The following ISM1 variants were observed in gnomAD, a reference collection of about 807,000 sequenced individuals.
The protein encoded by ISM1 is isthmin-1.
In ISM1, 25 loss-of-function variants were observed where a neutral mutation model predicts 46.3. That is an observed-to-expected ratio of 0.54 (90% CI 0.39 to 0.75). The LOEUF is 0.75. Ranked by LOEUF, ISM1 falls within the 30% of genes least tolerant of loss-of-function variation. ISM1 has a pLI of 0.00. For missense variants in ISM1, 536 were observed against 625.4 expected (o/e 0.86, Z 1.52); for synonymous variants, 255 against 256.7 (o/e 0.99, Z 0.06).
chr20:13,286,759 CCTGGAAGGCTGG>C (rs1285238190), intron 3 of ISM1, among the ~76,000 whole-genome samples: 2 of 152,208 alleles, frequency 1.3e-5, no homozygotes, highest in Admixed American at 1.3e-4. Flanking sequence ...TAAACAACAG[CCTGGAAGGCTGG>C]CACGGGCCCA....
At chr20:13,272,851 T>C (rs77943392) in intron 2 of ISM1, among the ~76,000 whole-genome samples, 3,868 of 152,304 alleles carry the variant, frequency 0.025, 155 homozygotes, top group African/African-American at 0.084. Context: ...TTATAGATGT[T>C]CTGGTTCCAG....
chr20:13,232,418 G>T (rs923498628), intron 1 of ISM1, among the ~76,000 whole-genome samples: 7 of 152,218 alleles, frequency 4.6e-5, no homozygotes, highest in Admixed American at 1.3e-4. Context: ...AGCATTGCAT[G>T]ATATGGCTTT....
At chr20:13,225,679 G>A (rs1454280900) in intron 1 of ISM1, among the ~76,000 whole-genome samples, 2 of 152,142 alleles carry the variant, frequency 1.3e-5, no homozygotes, top group East Asian at 3.8e-4. Flanking sequence ...TCTTTGAATG[G>A]TTGTCAGTAT....
intron 1 of ISM1, among the ~76,000 whole-genome samples, chr20:13,241,797 A>T (rs900388669): frequency 6.6e-6 from 1 of 152,136 alleles, no homozygotes; most frequent in East Asian, 1.9e-4. Context: ...AAATAAAGCA[A>T]GTTTGTCAAG....
intron 1 of ISM1, among the ~76,000 whole-genome samples, chr20:13,248,395 T>A (rs1233089621): frequency 6.6e-6 from 1 of 152,144 alleles, no homozygotes; most frequent in African/African-American, 2.4e-5. Context: ...ATGATGGGCC[T>A]TACCAGTGAG....
At chr20:13,323,047 A>G in the ISM1 span, among the ~76,000 whole-genome samples, 1 of 151,944 alleles carries the variant, frequency 6.6e-6, no homozygotes, top group Non-Finnish European at 1.5e-5. Context: ...TTGGGTGCAT[A>G]CTCTGGGGGA....
At chr20:13,279,929 G>T (rs761939938) in intron 3 of ISM1, 31 bp downstream of exon 3, 66 of 1,601,198 alleles carry the variant, frequency 4.1e-5, no homozygotes, top group Non-Finnish European at 5.4e-5. Flanking sequence ...TATAAAATTG[G>T]TGGGAAGAAT....
At chr20:13,241,596 G>T (rs2039724154) in intron 1 of ISM1, among the ~76,000 whole-genome samples, 1 of 152,118 alleles carries the variant, frequency 6.6e-6, no homozygotes. Flanking sequence ...TAATAAAAGA[G>T]TTACCATCTC....
chr20:13,293,337 G>A (rs918379189), intron 5 of ISM1, among the ~76,000 whole-genome samples: 13 of 152,162 alleles, frequency 8.5e-5, no homozygotes, highest in African/African-American at 2.4e-4. Flanking sequence ...CAGGTGCAAG[G>A]TGCAAGCTTA....
intron 1 of ISM1, among the ~76,000 whole-genome samples, chr20:13,257,640 C>T (rs1275413153): frequency 6.6e-6 from 1 of 151,892 alleles, no homozygotes; most frequent in Non-Finnish European, 1.5e-5. Flanking sequence ...CCTGATTAAC[C>T]CTAAAAAGTC....
chr20:13,266,660 T>C (rs1302761457), intron 1 of ISM1, among the ~76,000 whole-genome samples: 1 of 152,218 alleles, frequency 6.6e-6, no homozygotes, highest in African/African-American at 2.4e-5. Flanking sequence ...CTTGTGTCAC[T>C]TTAACTGGGG....
At position 13,281,053 on chromosome 20, in the gene ISM1, T is replaced by C. The variant is rs541785918; in HGVS notation, c.643+1155T>C. On this transcript the variant is annotated intron_variant, in intron 3 of 5. Transcript: ENST00000262487. ...AATTGTATATTAGACAGTCATTTCT[T>C]CTCATTAATAGAGAATTCTAAGCAA... 2.6e-5 allele frequency among the ~76,000 whole-genome samples: 4 copies of C among 152,370 alleles called. No individual in the cohort carries two copies. The East Asian group carries it at 7.7e-4, about 29-fold the overall frequency.
At chr20:13,264,492 C>T (rs1449273876) in intron 1 of ISM1, among the ~76,000 whole-genome samples, 2 of 152,172 alleles carry the variant, frequency 1.3e-5, no homozygotes, top group African/African-American at 4.8e-5. Context: ...GCTTTATCTT[C>T]CTCCTATTGT....
At chr20:13,228,590 A>C (rs972686525) in intron 1 of ISM1, among the ~76,000 whole-genome samples, 1 of 151,686 alleles carries the variant, frequency 6.6e-6, no homozygotes, top group Non-Finnish European at 1.5e-5. Flanking sequence ...CTTTATTTTA[A>C]TGTTCGGAAA....
At chr20:13,273,972 G>A (rs899320645) in intron 2 of ISM1, among the ~76,000 whole-genome samples, 15 of 152,140 alleles carry the variant, frequency 9.9e-5, no homozygotes, top group African/African-American at 3.4e-4. Context: ...ACCACAAAAT[G>A]TTAGTATTGG....
At position 13,252,721 on chromosome 20, in the gene ISM1, A is replaced by T. The variant is rs1011408647; in HGVS notation, c.139-17783A>T. Among the ~76,000 whole-genome samples the T allele has an allele frequency of 1.3e-3, 193 of 151,724 alleles. 2 individuals are homozygous for T. Among genetic ancestry groups the T allele is most frequent in the Non-Finnish European group, 5.0e-4 (34 of 67,954 alleles). ...AGTGGGCCAAGACTGCACCACTTGC[A>T]CTCCAGCTTGGGCAACAGAGCGAGA... On this transcript the variant is annotated intron_variant, in intron 1 of 5. Transcript: ENST00000262487.
At chr20:13,282,879 C>G (rs763020421) in intron 3 of ISM1, among the ~76,000 whole-genome samples, 3 of 152,164 alleles carry the variant, frequency 2.0e-5, no homozygotes, top group Non-Finnish European at 4.4e-5. Context: ...CTTTGAGTAG[C>G]AAAACTCTAC....
rs73901619 is a variant in ISM1, at chr20:13,250,489, A to G, written c.139-20015A>G. On this transcript the variant is annotated intron_variant, in intron 1 of 5. Coordinates refer to ENST00000262487, the MANE Select transcript of ISM1 (RefSeq NM_080826.2). ...GCTTTTGTCCTCATTGATTGGGCAA[A>G]CCATGGCAACACAGTTAAGCATGCC... Among the ~76,000 whole-genome samples, 1,237 of 152,306 alleles carry G rather than the reference A, an allele frequency of 8.1e-3. 16 individuals are homozygous for G. The highest frequency in any genetic ancestry group is 0.028 in the African/African-American group (1,172 of 41,548).
At position 13,300,172 on chromosome 20, in the gene ISM1, A is replaced by G. The variant is rs1265324218; in HGVS notation, c.*713A>G. 2 of 152,216 alleles carry G rather than the reference A, an allele frequency of 1.3e-5. No homozygotes were observed. The highest frequency in any genetic ancestry group is 6.5e-5 in the Admixed American group (1 of 15,286). 9.4% of individuals were successfully genotyped at this position (152,216 alleles called of 1,614,324 possible). A position where few individuals can be genotyped will look rare whatever the true frequency, so the allele number is the denominator to read the frequency against. ...TTTTAAATAGGCTTTAAAATAAAAG[A>G]TCAATATTATCATAATGCTATCATT... On this transcript the variant is annotated 3_prime_UTR_variant, in exon 6 of 6. Coordinates refer to ENST00000262487, the MANE Select transcript of ISM1 (RefSeq NM_080826.2).
Sources: gnomAD v4.1 joint callset for allele counts (sites outside exome capture counted in the v4.1 genomes callset) on GRCh38, gnomAD v4.1.1 for gene constraint, MANE v1.5 for transcripts, NCBI Gene and HGNC (gene_info 2026-07-23, HGNC 2026-07-21) for gene names.